Variants in SSPN observed in about 807,000 individuals in gnomAD.
SSPN encodes the protein sarcospan, also known as K-ras oncogene-associated protein.
In SSPN, 15 loss-of-function variants were observed where a neutral mutation model predicts 19.1. The observed-to-expected ratio is 0.78, with a 90% CI of 0.52 to 1.21. SSPN has a LOEUF of 1.21. Ranked by LOEUF, SSPN falls within the 50% of genes most tolerant of loss-of-function variation. SSPN has a pLI of 0.00. For synonymous variants in SSPN, 147 were observed against 140.3 expected, an observed-to-expected ratio of 1.05 and a Z score of -0.34; for missense variants, 291 against 314.0, an observed-to-expected ratio of 0.93 and a Z score of 0.55.
rs10597345 is a variant in SSPN, at chr12:26,137,656, ATTTTTTTTTT to A, written c.-31+15521_-31+15530del. Among the ~76,000 whole-genome samples the A allele has an allele frequency of 2.1e-3, 159 of 76,394 alleles. 4 individuals are homozygous for A. Among genetic ancestry groups the A allele is most frequent in the African/African-American group, 9.3e-3 (142 of 15,246 alleles). The allele number at this position is 76,394 out of a possible 152,430, so 50.1% of individuals were successfully genotyped here. ...TGTATGTATATATATATATATATAT[ATTTTTTTTTT>A]TTTTTTTTTTTTTTTTGAGATGGAG... On this transcript the variant is annotated intron_variant, in intron 1 of 2. Transcript: ENST00000538142.
chr12:26,204,422 A>G (rs1489105092), intron 1 of SSPN, among the ~76,000 whole-genome samples: 3 of 152,204 alleles, frequency 2.0e-5, no homozygotes, highest in Non-Finnish European at 4.4e-5. Context: ...TAACTCTTTA[A>G]GGCTTAGGAA....
At chr12:26,164,000 T>C (rs10842683) in intron 1 of SSPN, among the ~76,000 whole-genome samples, 63,305 of 152,050 alleles carry the variant, frequency 0.42, 15,575 homozygotes, top group Admixed American at 0.57. Context: ...TGAATGTTTA[T>C]CTTAATAAAG....
At chr12:26,147,902 T>C (rs1335787620) in intron 1 of SSPN, among the ~76,000 whole-genome samples, 2 of 151,932 alleles carry the variant, frequency 1.3e-5, no homozygotes, top group Non-Finnish European at 2.9e-5. Flanking sequence ...CCTCTGCGTT[T>C]GCACTAATAG....
chr12:26,230,962 C>G lies in SSPN; in HGVS notation c.618C>G (p.Gly206=), dbSNP rs1467640988. 1.2e-6 allele frequency: 2 copies of G among 1,614,034 alleles called. No homozygotes were observed. Among genetic ancestry groups the G allele is most frequent in the Non-Finnish European group, 1.7e-6 (2 of 1,180,046 alleles). ...LIQMILNLVC[G]LVCLLACFVM... Reference sequence around the variant, plus strand: ...AGATGATTCTTAATTTGGTCTGCGGCCTTGTGTGCTTGTTGGCCTGCTTTG... The same window carrying G: ...AGATGATTCTTAATTTGGTCTGCGGGCTTGTGTGCTTGTTGGCCTGCTTTG... The change falls in exon 3 of 3, where the codon GGC becomes GGG. Residue 206 remains glycine (G), a synonymous_variant. Coordinates refer to ENST00000242729, the MANE Select transcript of SSPN (RefSeq NM_005086.5).
At chr12:26,122,825 G>T in intron 1 of SSPN, 1 of 1,585,170 alleles carries the variant, frequency 6.3e-7, no homozygotes, top group Non-Finnish European at 8.5e-7. Flanking sequence ...TCTCGGCGGC[G>T]AGCTCGGCGC....
In SSPN at chr12:26,159,477, TCAGATGAAGATCCCA is replaced by T. The variant is rs547759189; in HGVS notation, c.-31+37329_-31+37343del. Among the ~76,000 whole-genome samples, 9 of 152,254 alleles carry T rather than the reference TCAGATGAAGATCCCA, an allele frequency of 5.9e-5. No homozygotes were observed. In the South Asian group the frequency reaches 1.9e-3, roughly 32 times the overall value. ...GTCTGGAAAGATGGGTTGTGTGCAC[TCAGATGAAGATCCCA>T]CAGGTGGGGCAGGTAGAACAGTGCA... is the stretch of plus-strand genomic sequence containing the variant. On this transcript the variant is annotated intron_variant, in intron 1 of 2. Coordinates refer to the SSPN transcript ENST00000538142.
At chr12:26,141,140 GATT>G (rs1944458345) in intron 1 of SSPN, among the ~76,000 whole-genome samples, 1 of 152,204 alleles carries the variant, frequency 6.6e-6, no homozygotes, top group Admixed American at 6.5e-5. Context: ...GGAAAGGAGA[GATT>G]ATCCAGGATT....
intron 1 of SSPN, among the ~76,000 whole-genome samples, chr12:26,163,375 A>G (rs1334055641): frequency 6.6e-6 from 1 of 152,254 alleles, no homozygotes; most frequent in Non-Finnish European, 1.5e-5. Flanking sequence ...TAGCACAAGA[A>G]TAAGTGAGTA....
At chr12:26,206,062 C>T (rs1031935669) in intron 1 of SSPN, among the ~76,000 whole-genome samples, 3 of 152,304 alleles carry the variant, frequency 2.0e-5, no homozygotes, top group South Asian at 2.1e-4. Flanking sequence ...CTTCTTCAGT[C>T]ACCAAATCGT....
At chr12:26,215,777 G>C (rs1370020090) in intron 1 of SSPN, among the ~76,000 whole-genome samples, 1 of 152,172 alleles carries the variant, frequency 6.6e-6, no homozygotes, top group African/African-American at 2.4e-5. Context: ...CCACCAGTCA[G>C]ATACATTGAG....
chr12:26,122,899 G>T (rs1240022976), intron 1 of SSPN: 2 of 1,548,358 alleles, frequency 1.3e-6, no homozygotes, highest in Admixed American at 2.0e-5. Flanking sequence ...TGCCCCGCGC[G>T]CTCCAGGCAG....
chr12:26,194,325 A>T (rs552242992), upstream of SSPN, among the ~76,000 whole-genome samples: 7 of 152,226 alleles, frequency 4.6e-5, no homozygotes, highest in Non-Finnish European at 1.0e-4. Context: ...ACTCTTAAAT[A>T]TTGACTGAGT....
At position 26,231,416 on chromosome 12, in the gene SSPN, G is replaced by A. The variant is rs1183202860; in HGVS notation, c.*340G>A. On this transcript the variant is annotated 3_prime_UTR_variant, in exon 3 of 3. Coordinates refer to ENST00000242729, the MANE Select transcript of SSPN (RefSeq NM_005086.5). ...CATTCCTTACATAATCTTCTTTCCT[G>A]TTAGTCCAGTTTGATGGTGTGAATG... The A allele has an allele frequency of 4.9e-6, 1 of 204,436 alleles. No homozygotes were observed. Among genetic ancestry groups the A allele is most frequent in the African/African-American group, 2.4e-5 (1 of 42,188 alleles). The allele number at this position is 204,436 out of a possible 1,614,324, so 12.7% of individuals were successfully genotyped here.
chr12:26,224,897 G>T (rs149845960), intron 2 of SSPN, among the ~76,000 whole-genome samples: 92 of 152,212 alleles, frequency 6.0e-4, no homozygotes, highest in Non-Finnish European at 1.1e-3. Context: ...TTTCATTTGT[G>T]TGTATCTTTT....
At chr12:26,123,331 G>A (rs937501839) in intron 1 of SSPN, among the ~76,000 whole-genome samples, 1 of 152,160 alleles carries the variant, frequency 6.6e-6, no homozygotes, top group Non-Finnish European at 1.5e-5. Flanking sequence ...GACGAGAGAA[G>A]CGGGGTGGCG....
chr12:26,164,444 G>A (rs1373635799), intron 1 of SSPN, among the ~76,000 whole-genome samples: 1 of 152,208 alleles, frequency 6.6e-6, no homozygotes, highest in Non-Finnish European at 1.5e-5. Context: ...GGAGGCCGAG[G>A]TGGAAGGATT....
chr12:26,217,788 G>A (rs528961718), intron 1 of SSPN, among the ~76,000 whole-genome samples: 11 of 151,814 alleles, frequency 7.2e-5, no homozygotes, highest in Non-Finnish European at 1.5e-4. Flanking sequence ...AGCATGAAAG[G>A]TTGTTGAATT....
At position 26,163,396 on chromosome 12, in the gene SSPN, A is replaced by ATT. The variant is rs1435947609; in HGVS notation, c.-31+41246_-31+41247dup. Among the ~76,000 whole-genome samples the ATT allele has an allele frequency of 2.0e-5, 3 of 152,304 alleles. No individual in the cohort carries two copies. In the East Asian group the frequency reaches 5.8e-4, roughly 29 times the overall value. On this transcript the variant is annotated intron_variant, in intron 1 of 2. Coordinates refer to the SSPN transcript ENST00000538142. ...AAGAATAAGTGAGTAAACATTTTCC[A>ATT]TTTGTTTTAGTCTGTTTGTGCTGCT... is the stretch of plus-strand genomic sequence containing the variant.
At chr12:26,199,426 C>G (rs1282559440) in intron 1 of SSPN, among the ~76,000 whole-genome samples, 2 of 152,140 alleles carry the variant, frequency 1.3e-5, no homozygotes, top group African/African-American at 4.8e-5. Flanking sequence ...ACTACGTAAC[C>G]TGTAAAAGTG....
Sources: allele counts gnomAD v4.1 joint callset (sites outside exome capture counted in the v4.1 genomes callset), GRCh38; gene constraint gnomAD v4.1.1; transcripts MANE v1.5; gene names NCBI Gene and HGNC (gene_info 2026-07-23, HGNC 2026-07-21).